The following FLT3 variants were observed in gnomAD, a reference collection of about 807,000 sequenced individuals.
The protein encoded by FLT3 is receptor-type tyrosine-protein kinase FLT3.
Under a neutral mutation model 126.6 loss-of-function variants are expected in FLT3, and 46 were observed. The ratio of observed to expected loss-of-function variants is 0.36; its 90% confidence interval spans 0.29 to 0.46. The LOEUF is 0.46. Among genes scored for constraint, FLT3 ranks in the 20% least tolerant of loss-of-function variants. The pLI is 1.00. For synonymous variants in FLT3, 404 were observed against 434.4 expected (o/e 0.93, Z 0.87); for missense variants, 1,069 against 1,190.3 (o/e 0.90, Z 1.50).
chr13:28,028,733 C>G (rs889114431), intron 15 of FLT3, among the ~76,000 whole-genome samples: 1 of 150,468 alleles, frequency 6.6e-6, no homozygotes, highest in East Asian at 1.9e-4. Context: ...AAACAATATC[C>G]TGTGTTTTAA....
intron 19 of FLT3, among the ~76,000 whole-genome samples, chr13:28,022,584 G>A (rs1331687660): frequency 1.3e-5 from 2 of 152,060 alleles, no homozygotes; most frequent in East Asian, 3.8e-4. Context: ...AAACAGGAGA[G>A]AAGAGGCAAG....
intron 1 of FLT3, among the ~76,000 whole-genome samples, chr13:28,083,962 T>G (rs746642758): frequency 6.6e-6 from 1 of 152,114 alleles, no homozygotes; most frequent in African/African-American, 2.4e-5. Flanking sequence ...TTTTTTGTTT[T>G]CTTTTTCTTT....
chr13:28,043,673 A>G (rs2137708370), intron 9 of FLT3, among the ~76,000 whole-genome samples: 1 of 152,336 alleles, frequency 6.6e-6, no homozygotes, highest in African/African-American at 2.4e-5. Context: ...TAAATTTGAA[A>G]CTTTCTATAA....
At chr13:28,033,530 G>A (rs1873543413) in intron 15 of FLT3, among the ~76,000 whole-genome samples, 1 of 152,054 alleles carries the variant, frequency 6.6e-6, no homozygotes, top group African/African-American at 2.4e-5. Context: ...TGAGCGTGGT[G>A]GTGCACGCCT....
chr13:28,057,935 A>G (rs1162686518), intron 3 of FLT3, among the ~76,000 whole-genome samples: 1 of 152,002 alleles, frequency 6.6e-6, no homozygotes, highest in Non-Finnish European at 1.5e-5. Flanking sequence ...GCTACTCAGG[A>G]CACTGAGGCA....
chr13:28,091,320 C>CACG (rs2137827405), intron 1 of FLT3, among the ~76,000 whole-genome samples: 1 of 138,262 alleles, frequency 7.2e-6, no homozygotes, highest in Admixed American at 7.8e-5. Context: ...CTCCCGGGTT[C>CACG]ACGCCATTCT....
chr13:28,037,078 GT>G lies in FLT3; in HGVS notation c.1309+106del, dbSNP rs59947907. 0.18 allele frequency: 124,499 copies of G among 676,822 alleles called. 12,068 individuals are homozygous for G. Among genetic ancestry groups the G allele is most frequent in the Admixed American group, 0.24 (9,869 of 41,916 alleles). The allele number at this position is 676,822 out of a possible 1,614,324, so 41.9% of individuals were successfully genotyped here. A position where few individuals can be genotyped will look rare whatever the true frequency, so the allele number is the denominator to read the frequency against. On this transcript the variant is annotated intron_variant, in intron 10 of 23. Coordinates refer to ENST00000241453, the MANE Select transcript of FLT3 (RefSeq NM_004119.3). ...CAAAACACTTCAGCGTACAAAAACA[GT>G]TTTGTAGTAGCCCTTCTAAGCCATT...
chr13:28,089,913 A>AT (rs1878923047), intron 1 of FLT3, among the ~76,000 whole-genome samples: 1 of 150,648 alleles, frequency 6.6e-6, no homozygotes, highest in Non-Finnish European at 1.5e-5. Context: ...TTTTATATAT[A>AT]TTTTTTTAGT....
At chr13:28,034,522 C>T (rs963504880) in intron 12 of FLT3, 115 bp from the exon 13 acceptor site, 22 of 744,144 alleles carry the variant, frequency 3.0e-5, no homozygotes, top group Non-Finnish European at 4.9e-5. Flanking sequence ...CATTTTCAGT[C>T]CTAACAACCA....
At chr13:28,048,003 C>T (rs1179965243) in intron 9 of FLT3, among the ~76,000 whole-genome samples, 1 of 152,132 alleles carries the variant, frequency 6.6e-6, no homozygotes, top group Non-Finnish European at 1.5e-5. Context: ...TACCTTGTGA[C>T]TCAGAAAATG....
At chr13:28,046,455 T>C (rs1874889659) in intron 9 of FLT3, among the ~76,000 whole-genome samples, 1 of 152,214 alleles carries the variant, frequency 6.6e-6, no homozygotes, top group Non-Finnish European at 1.5e-5. Context: ...TCAAGCCTTG[T>C]ACATCATTTA....
rs113205475 is a variant in FLT3, at chr13:28,031,049, ACT to A, written c.1943-2763_1943-2762del. The stretch of plus-strand genomic sequence containing the variant: ...AGACCATCCTGGCTAACACGGTGAA[ACT>A]CTGTCTCTACTAAAAATACAAAAAA... On this transcript the variant is annotated intron_variant, in intron 15 of 23. Coordinates refer to ENST00000241453, the MANE Select transcript of FLT3 (RefSeq NM_004119.3). 2.1e-3 allele frequency among the ~76,000 whole-genome samples: 317 copies of A among 152,192 alleles called. 1 individual carries two copies. Among genetic ancestry groups the A allele is most frequent in the African/African-American group, 6.9e-3 (288 of 41,546 alleles).
chr13:28,033,927 T>C lies in FLT3; in HGVS notation c.1902A>G (p.Lys634=), dbSNP rs375859256. 1 of 1,614,210 alleles carries C rather than the reference T, an allele frequency of 6.2e-7. No individual in the cohort carries two copies. The highest frequency in any genetic ancestry group is 8.5e-7 in the Non-Finnish European group (1 of 1,180,036). Residue 634 remains lysine (K), a synonymous_variant, in exon 15 of 24, where the codon AAA becomes AAG. Transcript: ENST00000241453. Reference sequence around the variant, plus strand: ...CGGCAACCTGGATTGAGACTCCTGTTTTGCTAATTCCATAAGCTGTTGCGT... The same window carrying C: ...CGGCAACCTGGATTGAGACTCCTGTCTTGCTAATTCCATAAGCTGTTGCGT... ...VMNATAYGIS[K]TGVSIQVAVK... is the part of the protein sequence containing the mutation.
chr13:28,025,103 C>T (rs1438076243), intron 17 of FLT3, among the ~76,000 whole-genome samples, 160 bp from the exon 18 acceptor site: 1 of 152,176 alleles, frequency 6.6e-6, no homozygotes, highest in Non-Finnish European at 1.5e-5. Context: ...ACATTAAAAA[C>T]ATCTGTGTAA....
intron 1 of FLT3, among the ~76,000 whole-genome samples, chr13:28,091,388 A>C (rs1443710075): frequency 6.8e-6 from 1 of 146,870 alleles, no homozygotes; most frequent in Non-Finnish European, 1.5e-5. Context: ...CGCCCGGCTA[A>C]TTTTTTGTAT....
Position 28,033,879 on chromosome 13 carries a change from T to A in FLT3, c.1942+8A>T, listed in dbSNP as rs200929631. The stretch of plus-strand genomic sequence containing the variant: ...CATCTTTGTTGCTGTCCTTCCACTA[T>A]ACTGTACCTTTCAGCATTTTGACGG... On this transcript the variant is annotated splice_region_variant and intron_variant, in intron 15 of 23. Coordinates refer to ENST00000241453, the MANE Select transcript of FLT3 (RefSeq NM_004119.3). 2.3e-5 allele frequency: 37 copies of A among 1,607,048 alleles called. No homozygotes were observed. The highest frequency in any genetic ancestry group is 2.8e-5 in the Non-Finnish European group (33 of 1,173,694).
chr13:28,008,555 C>G (rs923444785), intron 23 of FLT3, among the ~76,000 whole-genome samples: 4 of 152,112 alleles, frequency 2.6e-5, no homozygotes, highest in African/African-American at 7.2e-5. Flanking sequence ...TCTAGGCTCA[C>G]TGCAACCTCC....
intron 4 of FLT3, among the ~76,000 whole-genome samples, chr13:28,056,773 A>G (rs1876041727): frequency 6.6e-6 from 1 of 152,238 alleles, no homozygotes; most frequent in Admixed American, 6.5e-5. Context: ...TTAAAATTAA[A>G]TAAAATTAAA....
intron 1 of FLT3, among the ~76,000 whole-genome samples, chr13:28,073,006 A>T (rs948843107): frequency 1.2e-4 from 17 of 136,918 alleles, no homozygotes; most frequent in Non-Finnish European, 1.4e-4. Context: ...CTCCGTCTCT[A>T]AAAAAAAAAA....
Sources: allele counts gnomAD v4.1 joint callset (sites outside exome capture counted in the v4.1 genomes callset), GRCh38; gene constraint gnomAD v4.1.1; transcripts MANE v1.5; gene names NCBI Gene and HGNC (gene_info 2026-07-23, HGNC 2026-07-21).